DHRS12: variants seen among roughly 807,000 people sequenced by gnomAD.
DHRS12 encodes the protein dehydrogenase/reductase SDR family member 12.
In DHRS12, 29 loss-of-function variants were observed where a neutral mutation model predicts 32.1. That is an observed-to-expected ratio of 0.90 (90% CI 0.67 to 1.23). The LOEUF (loss-of-function observed/expected upper bound fraction) is 1.23, where lower values mean the gene tolerates loss of function less well. Ranked by LOEUF, DHRS12 falls within the 50% of genes most tolerant of loss-of-function variation. DHRS12 has a pLI of 0.00. For missense variants in DHRS12, 330 were observed against 337.2 expected, an observed-to-expected ratio of 0.98 and a Z score of 0.17; for synonymous variants, 150 against 135.9, an observed-to-expected ratio of 1.10 and a Z score of -0.72.
At chr13:51,772,439 G>A (rs1199439122) in intron 6 of DHRS12, among the ~76,000 whole-genome samples, 3 of 152,080 alleles carry the variant, frequency 2.0e-5, no homozygotes, top group East Asian at 1.9e-4. Context: ...CCTGGCCAAC[G>A]TGGTGAAACC....
At chr13:51,767,972 GA>G (rs1953826661), downstream of DHRS12, 3 of 1,362,670 alleles carry the variant, frequency 2.2e-6, no homozygotes, top group Non-Finnish European at 1.9e-6. Context: ...CTTAAAATAA[GA>G]AAAGAACCTG....
At chr13:51,771,175 C>G in intron 7 of DHRS12, 2 of 1,544,376 alleles carry the variant, frequency 1.3e-6, no homozygotes, top group East Asian at 2.5e-5. Flanking sequence ...CCGCAGACAG[C>G]GCTGAGACCA....
At chr13:51,772,244 C>A (rs1002419077) in intron 6 of DHRS12, among the ~76,000 whole-genome samples, 9 of 152,164 alleles carry the variant, frequency 5.9e-5, no homozygotes, top group African/African-American at 2.2e-4. Context: ...TGACTCTATT[C>A]TTTGCTGCTC....
intron 1 of DHRS12, among the ~76,000 whole-genome samples, chr13:51,802,173 A>T (rs1345567054): frequency 1.0e-3 from 32 of 32,128 alleles, no homozygotes; most frequent in Admixed American, 7.1e-3. Context: ...TATTTTTCAC[A>T]CACACACACA....
At chr13:51,786,323 G>A (rs149833247) in intron 4 of DHRS12, among the ~76,000 whole-genome samples, 3 of 152,282 alleles carry the variant, frequency 2.0e-5, no homozygotes, top group Non-Finnish European at 2.9e-5. Context: ...ATCTGCTAAC[G>A]CTAGGCTGTG....
At chr13:51,799,736 G>T in intron 1 of DHRS12, 69 bp from the exon 2 acceptor site, 1 of 1,566,784 alleles carries the variant, frequency 6.4e-7, no homozygotes, top group Non-Finnish European at 8.7e-7. Context: ...GCAGGAGAAA[G>T]CCTAATTCTA....
chr13:51,772,992 A>C (rs1954103896), intron 6 of DHRS12: 2 of 985,376 alleles, frequency 2.0e-6, no homozygotes, highest in South Asian at 9.4e-5. Context: ...AGCGACAAGG[A>C]AGGCGGAGGG....
At chr13:51,771,953 C>T (rs778226089) in intron 6 of DHRS12, 42 bp from the exon 7 acceptor site, 14 of 1,598,354 alleles carry the variant, frequency 8.8e-6, no homozygotes, top group Admixed American at 3.4e-5. Flanking sequence ...AGAGAGGAGG[C>T]GCCATTAGGT....
intron 4 of DHRS12, among the ~76,000 whole-genome samples, chr13:51,781,892 C>A (rs902418410): frequency 6.6e-6 from 1 of 152,142 alleles, no homozygotes; most frequent in Admixed American, 6.5e-5. Context: ...AGCCTCTGTT[C>A]GGGAGGTGGG....
At chr13:51,772,835 A>C (rs2138940652) in intron 6 of DHRS12, 1 of 985,444 alleles carries the variant, frequency 1.0e-6, no homozygotes, top group Non-Finnish European at 1.2e-6. Flanking sequence ...GGTCTTTCAA[A>C]TGTCAGGATT....
intron 4 of DHRS12, among the ~76,000 whole-genome samples, chr13:51,789,013 G>A (rs1367544203): frequency 6.6e-6 from 1 of 152,146 alleles, no homozygotes; most frequent in Non-Finnish European, 1.5e-5. Context: ...TTCCATATGA[G>A]GAAACCCATT....
At chr13:51,761,002 C>T in the DHRS12 span, 1 of 152,238 alleles carries the variant, frequency 6.6e-6, no homozygotes, top group Admixed American at 6.5e-5. Context: ...TGTGTGACAT[C>T]ATCTCTGAAC....
At chr13:51,792,735 G>A (rs1955333721) in intron 2 of DHRS12, among the ~76,000 whole-genome samples, 1 of 152,166 alleles carries the variant, frequency 6.6e-6, no homozygotes, top group South Asian at 2.1e-4. Context: ...TTGGAGAAAT[G>A]TCTATTCAAG....
At chr13:51,771,235 G>A (rs767897725) in intron 7 of DHRS12, 48 of 1,551,630 alleles carry the variant, frequency 3.1e-5, no homozygotes, top group Non-Finnish European at 4.2e-5. Context: ...GGCTGCTGCT[G>A]CTTTCAGTTC....
the DHRS12 span, among the ~76,000 whole-genome samples, chr13:51,757,105 A>G: frequency 3.3e-5 from 5 of 152,212 alleles, no homozygotes; most frequent in Admixed American, 2.0e-4. Context: ...GAGGATCTGC[A>G]GGGTAGCTTG....
intron 6 of DHRS12, among the ~76,000 whole-genome samples, chr13:51,773,613 G>A (rs1054576148): frequency 9.9e-5 from 15 of 152,072 alleles, no homozygotes; most frequent in Admixed American, 5.9e-4. Context: ...AGGAGGGACC[G>A]CTCGCCGTCC....
chr13:51,787,782 TTTATA>T (rs1955031759), intron 4 of DHRS12, among the ~76,000 whole-genome samples: 1 of 37,146 alleles, frequency 2.7e-5, no homozygotes, highest in Non-Finnish European at 5.0e-5. Context: ...TTATATATAA[TTTATA>T]ATATATTAAT....
chr13:51,791,889 T>C (rs1311645290), intron 2 of DHRS12, among the ~76,000 whole-genome samples: 3 of 152,226 alleles, frequency 2.0e-5, no homozygotes, highest in African/African-American at 7.2e-5. Context: ...TGAACTTGGG[T>C]TAGCTCCTCC....
chr13:51,797,623 A>G (rs1383206394), intron 2 of DHRS12, among the ~76,000 whole-genome samples: 1 of 152,190 alleles, frequency 6.6e-6, no homozygotes, highest in Non-Finnish European at 1.5e-5. Context: ...CATGCGGTCA[A>G]GCCTCAGTGC....
Sources: gnomAD v4.1 joint callset for allele counts (sites outside exome capture counted in the v4.1 genomes callset) on GRCh38, gnomAD v4.1.1 for gene constraint, MANE v1.5 for transcripts, NCBI Gene and HGNC (gene_info 2026-07-23, HGNC 2026-07-21) for gene names.